The following TTC34 variants were observed in gnomAD, a reference collection of about 807,000 sequenced individuals.
TTC34 encodes the protein tetratricopeptide repeat protein 34.
Under a neutral mutation model 40.7 loss-of-function variants are expected in TTC34, and 44 were observed. The observed-to-expected ratio is 1.08, with a 90% confidence interval of 0.85 to 1.39. TTC34 has a LOEUF of 1.39. TTC34 is among the 40% of genes most tolerant of loss of function. TTC34 has a pLI of 0.00. For synonymous variants in TTC34, 422 were observed against 398.6 expected, an observed-to-expected ratio of 1.06 and a Z score of -0.70; for missense variants, 884 against 838.0, an observed-to-expected ratio of 1.05 and a Z score of -0.68.
intron 6 of TTC34, among the ~76,000 whole-genome samples, chr1:2,769,428 C>A (rs374665909): frequency 4.6e-5 from 2 of 43,158 alleles, no homozygotes; most frequent in Admixed American, 1.9e-4. Context: ...CACCCACACC[C>A]CCAGGTGAGC....
chr1:2,683,798 A>G lies in TTC34; in HGVS notation c.2227-38235T>C, dbSNP rs1640192864. Among the ~76,000 whole-genome samples, 4 of 148,490 alleles carry G rather than the reference A, an allele frequency of 2.7e-5. No homozygotes were observed. The South Asian group carries it at 8.7e-4, about 32-fold the overall frequency. On this transcript the variant is annotated intron_variant, in intron 6 of 8. Transcript: ENST00000401095. Reference sequence around the variant, plus strand: ...AGGCTGGAGCAGCACGCACACCCCCAGTTGAGCATCTGACAGCCGGGAACA... The same window carrying G: ...AGGCTGGAGCAGCACGCACACCCCCGGTTGAGCATCTGACAGCCGGGAACA...
intron 6 of TTC34, among the ~76,000 whole-genome samples, chr1:2,686,640 A>C (rs1640363752): frequency 1.3e-5 from 2 of 151,138 alleles, no homozygotes; most frequent in South Asian, 2.1e-4. Flanking sequence ...CAGCACCCAC[A>C]CACCCAGGTG....
intron 6 of TTC34, among the ~76,000 whole-genome samples, chr1:2,749,453 A>G (rs1641245953): frequency 9.4e-6 from 1 of 106,510 alleles, no homozygotes; most frequent in Admixed American, 9.3e-5. Context: ...CCCCCAGGTG[A>G]GCATCTGACG....
At chr1:2,773,017 C>G (rs796446221) in intron 6 of TTC34, among the ~76,000 whole-genome samples, 19 of 151,072 alleles carry the variant, frequency 1.3e-4, no homozygotes, top group Admixed American at 9.9e-4. Flanking sequence ...AGCACCCACA[C>G]CCCCAGGCGA....
intron 6 of TTC34, among the ~76,000 whole-genome samples, chr1:2,653,723 C>T (rs56151838): frequency 0.016 from 2,034 of 126,436 alleles, no homozygotes; most frequent in Middle Eastern, 0.025. Flanking sequence ...TGGAGCAGCA[C>T]CCACAACCAC....
At chr1:2,769,628 C>G in intron 6 of TTC34, among the ~76,000 whole-genome samples, 1 of 134,990 alleles carries the variant, frequency 7.4e-6, no homozygotes, top group Admixed American at 7.5e-5. Context: ...ACAGCACCCA[C>G]ACCCCCAGGT....
At chr1:2,639,105 C>T (rs1004989213) in exon 9 of TTC34, 1 of 152,246 alleles carries the variant, frequency 6.6e-6, no homozygotes, top group Non-Finnish European at 1.5e-5. Flanking sequence ...CACCCCTGGT[C>T]ATCTCCCAAA....
intron 3 of TTC34, among the ~76,000 whole-genome samples, chr1:2,788,320 G>A (rs1264611770): frequency 6.6e-6 from 1 of 151,146 alleles, no homozygotes; most frequent in Non-Finnish European, 1.5e-5. Flanking sequence ...GTTGTGTGTT[G>A]TATGTGTGTT....
At chr1:2,790,570 T>C (rs1454138879) in intron 2 of TTC34, among the ~76,000 whole-genome samples, 2 of 152,214 alleles carry the variant, frequency 1.3e-5, no homozygotes, top group Non-Finnish European at 2.9e-5. Flanking sequence ...TTGAGAACCG[T>C]GCTGGGCAAG....
At chr1:2,696,074 AC>A (rs1640852563) in intron 6 of TTC34, among the ~76,000 whole-genome samples, 1 of 133,234 alleles carries the variant, frequency 7.5e-6, no homozygotes, top group Non-Finnish European at 1.7e-5. Context: ...CAGCACGCGC[AC>A]CCCCAGGTGA....
rs1343242712 is a variant in TTC34, at chr1:2,681,959, T to A, written c.2227-36396A>T. Among the ~76,000 whole-genome samples, 3 of 113,324 alleles carry A rather than the reference T, an allele frequency of 2.6e-5. 1 individual carries two copies. The highest frequency in any genetic ancestry group is 5.6e-5 in the Non-Finnish European group (3 of 53,952). 74.3% of individuals were successfully genotyped at this position (113,324 alleles called of 152,430 possible). On this transcript the variant is annotated intron_variant, in intron 6 of 8. Transcript: ENST00000401095. ...CAGCACCAACACCCCAAGGCGAGCATCTGACGGCCTGGAACAGCACCCACA... is the reference window on the plus strand; with the variant it reads ...CAGCACCAACACCCCAAGGCGAGCAACTGACGGCCTGGAACAGCACCCACA...
At chr1:2,644,815 G>A (rs1430747856) in intron 7 of TTC34, among the ~76,000 whole-genome samples, 1 of 152,206 alleles carries the variant, frequency 6.6e-6, no homozygotes, top group African/African-American at 2.4e-5. Context: ...CCCTTGGTGG[G>A]CAAATGCAGA....
intron 6 of TTC34, among the ~76,000 whole-genome samples, chr1:2,657,342 C>A (rs1172744356): frequency 7.6e-5 from 8 of 105,710 alleles, no homozygotes; most frequent in African/African-American, 2.4e-4. Context: ...CACCCATAGC[C>A]CAAGGTGAGC....
At chr1:2,773,101 C>A (rs1642549752) in intron 6 of TTC34, among the ~76,000 whole-genome samples, 1 of 149,416 alleles carries the variant, frequency 6.7e-6, no homozygotes, top group East Asian at 2.1e-4. Flanking sequence ...CCCACACCCC[C>A]AGGCGAGCAT....
chr1:2,777,202 C>G (rs1478180215), intron 6 of TTC34, among the ~76,000 whole-genome samples: 1 of 108,192 alleles, frequency 9.2e-6, no homozygotes, highest in African/African-American at 3.8e-5. Flanking sequence ...CCTGGAGCAG[C>G]ACCCCACACC....
chr1:2,793,046 A>G (rs954880717), intron 2 of TTC34, among the ~76,000 whole-genome samples: 2 of 152,282 alleles, frequency 1.3e-5, no homozygotes, highest in Admixed American at 1.3e-4. Context: ...GCTATTCCAC[A>G]GTGACTTGAA....
chr1:2,698,840 T>G (rs796821731), intron 6 of TTC34, among the ~76,000 whole-genome samples: 2 of 40,492 alleles, frequency 4.9e-5, no homozygotes, highest in Non-Finnish European at 1.0e-4. Context: ...CCTGCAACAG[T>G]ACCCACACTC....
chr1:2,781,656 G>A (rs903526475), intron 6 of TTC34, among the ~76,000 whole-genome samples: 2 of 152,108 alleles, frequency 1.3e-5, no homozygotes, highest in Admixed American at 6.5e-5. Context: ...TTTGCTGTGG[G>A]TTTTTCATAT....
At position 2,645,359 on chromosome 1, in the gene TTC34, G is replaced by T. The variant is rs1360819968; in HGVS notation, c.2431C>A (p.Leu811Met). 6.5e-7 allele frequency: 1 copy of T among 1,533,030 alleles called. No individual in the cohort carries two copies. The highest frequency in any genetic ancestry group is 8.7e-7 in the Non-Finnish European group (1 of 1,145,002). The allele number at this position is 1,533,030 out of a possible 1,614,324, so 95.0% of individuals were successfully genotyped here. The change falls in exon 7 of 9, where the codon CTG becomes ATG. Residue 811 changes from leucine (L) to methionine (M), a missense_variant. Transcript: ENST00000401095. The surrounding 1 kb of genome is among the most constrained non-coding windows in gnomAD (Gnocchi z 4.7). The stretch of plus-strand genomic sequence containing the variant: ...GGTTGCCCTGAGTCGATTTTGATCA[G>T]CGCCTCCCCCACAGCAAGGAGGCCC...
Sources: gnomAD v4.1 joint callset for allele counts (sites outside exome capture counted in the v4.1 genomes callset) on GRCh38, gnomAD v4.1.1 for gene constraint, Gnocchi (gnomAD v3.1) non-coding constraint, MANE v1.5 for transcripts, NCBI Gene and HGNC (gene_info 2026-07-23, HGNC 2026-07-21) for gene names.